Variants in MYO16 observed in about 807,000 individuals in gnomAD.
MYO16 encodes the protein unconventional myosin-XVI.
Under a neutral mutation model 205.3 loss-of-function variants are expected in MYO16, and 94 were observed. The ratio of observed to expected loss-of-function variants is 0.46; its 90% confidence interval spans 0.39 to 0.54. The LOEUF (loss-of-function observed/expected upper bound fraction) is 0.54, where lower values mean the gene tolerates loss of function less well. Ranked by LOEUF, MYO16 falls within the 20% of genes least tolerant of loss-of-function variation. The pLI is 0.00. For synonymous variants in MYO16, 988 were observed against 954.0 expected, an observed-to-expected ratio of 1.04 and a Z score of -0.66; for missense variants, 2,315 against 2,387.5, an observed-to-expected ratio of 0.97 and a Z score of 0.63.
At chr13:109,077,074 T>C (rs1230280999) in intron 27 of MYO16, among the ~76,000 whole-genome samples, 1 of 150,842 alleles carries the variant, frequency 6.6e-6, no homozygotes, top group South Asian at 2.1e-4. Flanking sequence ...GGCTGAAATA[T>C]GGTGGCACAA....
intron 34 of MYO16, among the ~76,000 whole-genome samples, chr13:109,193,246 C>T (rs1880002601): frequency 6.6e-6 from 1 of 151,936 alleles, no homozygotes; most frequent in Non-Finnish European, 1.5e-5. Context: ...AAGTCAATTC[C>T]CTGTAATAAA....
the MYO16 span, among the ~76,000 whole-genome samples, chr13:108,554,905 T>C: frequency 6.6e-6 from 1 of 150,512 alleles, no homozygotes; most frequent in Non-Finnish European, 1.5e-5. Context: ...ACCTATCTTT[T>C]GGTAGTGGTC....
chr13:108,948,935 A>T (rs1883040032), intron 16 of MYO16, among the ~76,000 whole-genome samples: 1 of 152,218 alleles, frequency 6.6e-6, no homozygotes, highest in African/African-American at 2.4e-5. Flanking sequence ...TATGTTATGG[A>T]CTCACTTTGG....
rs538422296 is a variant in MYO16 at position 108,903,301 on chromosome 13, T to A, written c.1777+5168T>A. 1.5e-4 allele frequency among the ~76,000 whole-genome samples: 23 copies of A among 152,352 alleles called. 1 individual carries two copies. The South Asian group carries it at 4.8e-3, about 32-fold the overall frequency. ...ATTAGTTGCTGTGTTAATTTCTTGC[T>A]GTGCCTAATTTATAAATTAAATTTT... On this transcript the variant is annotated intron_variant, in intron 15 of 34. Coordinates refer to ENST00000457511, the MANE Select transcript of MYO16 (RefSeq NM_001198950.3).
At chr13:109,015,194 G>C (rs1279032751) in intron 22 of MYO16, among the ~76,000 whole-genome samples, 1 of 152,064 alleles carries the variant, frequency 6.6e-6, no homozygotes, top group East Asian at 1.9e-4. Flanking sequence ...TTTGTTGAAG[G>C]CATTTTCTGC....
chr13:108,811,568 T>C (rs1477068515), intron 7 of MYO16, among the ~76,000 whole-genome samples: 1 of 151,888 alleles, frequency 6.6e-6, no homozygotes, highest in African/African-American at 2.4e-5. Flanking sequence ...ACCATCATCT[T>C]CTCTTTCCCA....
At chr13:108,935,992 G>A (rs951299581) in intron 16 of MYO16, among the ~76,000 whole-genome samples, 26 of 151,986 alleles carry the variant, frequency 1.7e-4, no homozygotes, top group African/African-American at 6.0e-4. Flanking sequence ...ATTTGATCAT[G>A]GTGACTTAAC....
At chr13:108,838,034 A>G (rs1381200217) in intron 9 of MYO16, among the ~76,000 whole-genome samples, 1 of 152,194 alleles carries the variant, frequency 6.6e-6, no homozygotes, top group East Asian at 1.9e-4. Context: ...GAAGAAAAAT[A>G]CAGAAAATAT....
intron 1 of MYO16, among the ~76,000 whole-genome samples, chr13:108,651,294 G>A (rs772466155): frequency 6.6e-6 from 1 of 152,174 alleles, no homozygotes; most frequent in Non-Finnish European, 1.5e-5. Context: ...GGTTTGACTG[G>A]ACAGCTGGGT....
chr13:108,521,936 C>A, the MYO16 span, among the ~76,000 whole-genome samples: 1 of 152,142 alleles, frequency 6.6e-6, no homozygotes, highest in Admixed American at 6.5e-5. Context: ...TTTATCTAAA[C>A]ATTGGTTGGA....
chr13:108,997,338 AAGAGAGAG>A (rs869174444), intron 21 of MYO16, among the ~76,000 whole-genome samples: 5 of 5,554 alleles, frequency 9.0e-4, no homozygotes, highest in African/African-American at 2.8e-3. Flanking sequence ...GAAAGAAAGA[AAGAGAGAG>A]AGAGAGAGAG....
chr13:108,751,597 G>A (rs1885239999), intron 4 of MYO16, among the ~76,000 whole-genome samples: 1 of 152,110 alleles, frequency 6.6e-6, no homozygotes, highest in African/African-American at 2.4e-5. Flanking sequence ...AGAGTTTACA[G>A]TATGGAACGG....
chr13:108,815,359 C>T (rs981198765), intron 7 of MYO16, among the ~76,000 whole-genome samples: 4 of 152,156 alleles, frequency 2.6e-5, no homozygotes, highest in African/African-American at 9.7e-5. Flanking sequence ...AAAGATTTTC[C>T]TGGATTCTCT....
At position 109,200,777 on chromosome 13, in the gene MYO16, A is replaced by G. The variant is rs141358549; in HGVS notation, c.5416-5832A>G. On this transcript the variant is annotated intron_variant, in intron 34 of 34. Transcript: ENST00000457511. The stretch of plus-strand genomic sequence containing the variant: ...CTCTCAGCAGATTGGCACTGCTGCT[A>G]TGCTTCTATAGAGTGACTCAAATCT... Among the ~76,000 whole-genome samples the G allele has an allele frequency of 6.6e-4, 100 of 151,288 alleles. 2 individuals carry two copies. In the East Asian group the frequency reaches 0.015, roughly 23 times the overall value.
At chr13:108,554,092 G>A in the MYO16 span, among the ~76,000 whole-genome samples, 377 of 152,038 alleles carry the variant, frequency 2.5e-3, 7 homozygotes, top group South Asian at 0.03. Context: ...TGATATTTAG[G>A]GCAAATACTC....
the MYO16 span, among the ~76,000 whole-genome samples, chr13:108,562,450 C>T: frequency 6.6e-6 from 1 of 152,156 alleles, no homozygotes; most frequent in Non-Finnish European, 1.5e-5. Context: ...AGGGATGATT[C>T]ATTTTAGAAT....
Position 109,000,270 on chromosome 13 carries a change from A to G in MYO16, c.2442+7822A>G, listed in dbSNP as rs796911713. Among the ~76,000 whole-genome samples the G allele has an allele frequency of 3.3e-5, 5 of 152,312 alleles. No homozygotes were observed. The South Asian group carries it at 1.0e-3, about 32-fold the overall frequency. On this transcript the variant is annotated intron_variant, in intron 21 of 34. Transcript: ENST00000457511. ...GTGCTAATAATTGATAATGGCTACA[A>G]TTTCTTGAGCTCCTACTATTAGTCA...
intron 32 of MYO16, among the ~76,000 whole-genome samples, chr13:109,164,512 T>G (rs1304117705): frequency 1.3e-5 from 2 of 152,176 alleles, no homozygotes; most frequent in Admixed American, 6.5e-5. Flanking sequence ...ATCACTCAAG[T>G]GTTTCTTATT....
intron 20 of MYO16, among the ~76,000 whole-genome samples, chr13:108,968,621 C>T (rs926809466): frequency 1.8e-4 from 27 of 151,858 alleles, no homozygotes; most frequent in African/African-American, 6.5e-4. Flanking sequence ...AGCAAAATTC[C>T]ATCTCAAAAG....
Sources: allele counts gnomAD v4.1 joint callset (sites outside exome capture counted in the v4.1 genomes callset), GRCh38; gene constraint gnomAD v4.1.1; transcripts MANE v1.5; gene names NCBI Gene and HGNC (gene_info 2026-07-23, HGNC 2026-07-21).